Variants in CTNNA3 observed in about 807,000 individuals in gnomAD.
The protein encoded by CTNNA3 is catenin alpha 3, also known as catenin alpha-3.
A neutral mutation model predicts 95.7 loss-of-function variants in CTNNA3; 76 were observed. The ratio of observed to expected loss-of-function variants is 0.79; its 90% confidence interval spans 0.66 to 0.96. CTNNA3 has a LOEUF of 0.96. Among genes scored for constraint, CTNNA3 ranks in the 40% least tolerant of loss-of-function variants. The pLI is 0.00. For synonymous variants in CTNNA3, 431 were observed against 374.4 expected (o/e 1.15, Z -1.74); for missense variants, 1,191 against 1,089.8 (o/e 1.09, Z -1.31).
chr10:67,228,648 A>G (rs950273808), intron 5 of CTNNA3, among the ~76,000 whole-genome samples: 26 of 152,076 alleles, frequency 1.7e-4, no homozygotes, highest in African/African-American at 5.1e-4. Context: ...AGATATTACA[A>G]CTGATACCAC....
intron 15 of CTNNA3, among the ~76,000 whole-genome samples, chr10:66,023,195 A>C (rs748659283): frequency 2.0e-5 from 3 of 152,214 alleles, no homozygotes; most frequent in Non-Finnish European, 2.9e-5. Flanking sequence ...ATGTTTGCTT[A>C]AAATACTAAC....
chr10:67,150,201 C>A (rs1373531180), intron 7 of CTNNA3, among the ~76,000 whole-genome samples: 1 of 152,014 alleles, frequency 6.6e-6, no homozygotes, highest in Non-Finnish European at 1.5e-5. Context: ...CTTTAATAAG[C>A]TAAACTTATT....
chr10:66,222,626 G>GAAAGAAAGAAAGAA (rs1564783095), intron 13 of CTNNA3, among the ~76,000 whole-genome samples: 12 of 76,658 alleles, frequency 1.6e-4, no homozygotes, highest in African/African-American at 5.0e-4. Flanking sequence ...GAAAGAAAAA[G>GAAAGAAAGAAAGAA]AAAGAAAGAA....
At chr10:67,183,073 A>C (rs985422334) in intron 6 of CTNNA3, among the ~76,000 whole-genome samples, 2 of 152,200 alleles carry the variant, frequency 1.3e-5, no homozygotes, top group African/African-American at 4.8e-5. Context: ...AAACAGGAAC[A>C]CTTTTACACT....
intron 5 of CTNNA3, among the ~76,000 whole-genome samples, chr10:67,377,278 T>C (rs910952314): frequency 6.6e-6 from 1 of 152,198 alleles, no homozygotes; most frequent in Admixed American, 6.5e-5. Context: ...AATGTGTATG[T>C]AGCAGCATCA....
intron 7 of CTNNA3, among the ~76,000 whole-genome samples, chr10:67,174,950 C>T (rs1291076167): frequency 1.3e-5 from 2 of 151,296 alleles, no homozygotes; most frequent in Non-Finnish European, 2.9e-5. Context: ...CTAACCAAAT[C>T]AACCACTCAA....
chr10:66,619,271 T>G (rs2132310019), intron 10 of CTNNA3, among the ~76,000 whole-genome samples: 1 of 151,642 alleles, frequency 6.6e-6, no homozygotes, highest in Non-Finnish European at 1.5e-5. Flanking sequence ...CGTATGTTTA[T>G]TGCAGCACTA....
chr10:67,348,296 T>C (rs1382275707), intron 5 of CTNNA3, among the ~76,000 whole-genome samples: 2 of 151,948 alleles, frequency 1.3e-5, no homozygotes, highest in Non-Finnish European at 2.9e-5. Context: ...AATAAACAAA[T>C]GAGCCCACAT....
chr10:66,280,042 T>C (rs767436267), intron 13 of CTNNA3, among the ~76,000 whole-genome samples: 8 of 152,060 alleles, frequency 5.3e-5, no homozygotes, highest in East Asian at 1.9e-4. Flanking sequence ...TGTGATTTTA[T>C]GATCTAGGAT....
chr10:65,991,946 T>C (rs2078555568), intron 15 of CTNNA3, among the ~76,000 whole-genome samples: 2 of 152,050 alleles, frequency 1.3e-5, no homozygotes, highest in African/African-American at 2.4e-5. Context: ...TTCTTGAGAG[T>C]TTTCATCATG....
chr10:67,091,581 A>G (rs1857642982), intron 7 of CTNNA3, among the ~76,000 whole-genome samples: 1 of 152,082 alleles, frequency 6.6e-6, no homozygotes, highest in South Asian at 2.1e-4. Flanking sequence ...TTCCTCCAGG[A>G]TAAATTTATA....
chr10:66,540,595 A>T (rs1010548621), intron 10 of CTNNA3, among the ~76,000 whole-genome samples: 2 of 152,038 alleles, frequency 1.3e-5, no homozygotes, highest in African/African-American at 4.8e-5. Flanking sequence ...CGTGAGCATA[A>T]AAAGCAGTAT....
chr10:66,110,640 C>A lies in CTNNA3; in HGVS notation c.1885-7391G>T, dbSNP rs2082088117. 2.6e-5 allele frequency among the ~76,000 whole-genome samples: 4 copies of A among 152,082 alleles called. No homozygotes were observed. The South Asian group carries it at 8.3e-4, about 31-fold the overall frequency. On this transcript the variant is annotated intron_variant, in intron 13 of 17. Coordinates refer to ENST00000433211, the MANE Select transcript of CTNNA3 (RefSeq NM_013266.4). ...TTCATTCTGCTGATCTTGTTTTTAT[C>A]TTTTATTCATAATGAGATTATCTAA...
intron 15 of CTNNA3, among the ~76,000 whole-genome samples, chr10:66,001,022 A>G (rs2078759837): frequency 6.6e-6 from 1 of 152,190 alleles, no homozygotes; most frequent in South Asian, 2.1e-4. Flanking sequence ...ATTGAAGACC[A>G]GGGTTAAATA....
At chr10:67,154,585 C>T (rs903070233) in intron 7 of CTNNA3, among the ~76,000 whole-genome samples, 22 of 152,168 alleles carry the variant, frequency 1.4e-4, no homozygotes, top group East Asian at 1.9e-4. Context: ...AATTTTTTAG[C>T]TCAAATGGAC....
chr10:66,257,914 T>C (rs1258529266), intron 13 of CTNNA3, among the ~76,000 whole-genome samples: 3 of 152,342 alleles, frequency 2.0e-5, no homozygotes, highest in African/African-American at 4.8e-5. Flanking sequence ...CTTAGTTTAC[T>C]GTACTTGATC....
chr10:66,429,642 A>C (rs541825771), intron 11 of CTNNA3, among the ~76,000 whole-genome samples: 102 of 152,206 alleles, frequency 6.7e-4, no homozygotes, highest in Admixed American at 1.6e-3. Context: ...ACAGAACCAA[A>C]GACAAAAAAC....
chr10:66,128,197 ACT>A (rs1387281413), intron 13 of CTNNA3, among the ~76,000 whole-genome samples: 1 of 152,180 alleles, frequency 6.6e-6, no homozygotes, highest in African/African-American at 2.4e-5. Context: ...AACAATAATC[ACT>A]TAGTCAATAT....
intron 5 of CTNNA3, among the ~76,000 whole-genome samples, chr10:67,237,812 A>G (rs1441644247): frequency 6.6e-6 from 1 of 152,218 alleles, no homozygotes; most frequent in Admixed American, 6.5e-5. Flanking sequence ...GTGTATTTAC[A>G]AAGATTGCTC....
Sources: allele counts gnomAD v4.1 joint callset (sites outside exome capture counted in the v4.1 genomes callset), GRCh38; gene constraint gnomAD v4.1.1; transcripts MANE v1.5; gene names NCBI Gene and HGNC (gene_info 2026-07-23, HGNC 2026-07-21).